CTNNA3: variants seen among roughly 807,000 people sequenced by gnomAD.
The protein encoded by CTNNA3 is catenin alpha-3.
Under a neutral mutation model 95.7 loss-of-function variants are expected in CTNNA3, and 76 were observed. That is an observed-to-expected ratio of 0.79 (90% confidence interval 0.66 to 0.96). The LOEUF is 0.96. Ranked by LOEUF, CTNNA3 falls within the 40% of genes least tolerant of loss-of-function variation. The pLI is 0.00. For synonymous variants in CTNNA3, 431 were observed against 374.4 expected (o/e 1.15, Z -1.74); for missense variants, 1,191 against 1,089.8 (o/e 1.09, Z -1.31).
chr10:67,164,818 A>T (rs1861689775), intron 7 of CTNNA3, among the ~76,000 whole-genome samples: 1 of 152,210 alleles, frequency 6.6e-6, no homozygotes, highest in Admixed American at 6.5e-5. Context: ...ATTAGAATGA[A>T]GATCATAATA....
chr10:66,894,795 G>A (rs1845408653), intron 7 of CTNNA3, among the ~76,000 whole-genome samples: 1 of 151,700 alleles, frequency 6.6e-6, no homozygotes, highest in Non-Finnish European at 1.5e-5. Context: ...TATGCAGTTT[G>A]GGCTTTATTT....
chr10:67,741,242 T>C (rs1841336119), intron 1 of CTNNA3, among the ~76,000 whole-genome samples: 1 of 149,464 alleles, frequency 6.7e-6, no homozygotes, highest in African/African-American at 2.5e-5. Context: ...CGCACCAGCA[T>C]GGCACATGTA....
intron 12 of CTNNA3, among the ~76,000 whole-genome samples, chr10:66,366,513 T>A (rs577051882): frequency 1.2e-4 from 18 of 152,070 alleles, no homozygotes; most frequent in Non-Finnish European, 2.5e-4. Context: ...TCATGAACAG[T>A]TATTAGTGCC....
At chr10:67,532,829 T>G (rs996493520) in intron 4 of CTNNA3, among the ~76,000 whole-genome samples, 3 of 152,088 alleles carry the variant, frequency 2.0e-5, no homozygotes, top group African/African-American at 7.2e-5. Flanking sequence ...TAAGTTTTAT[T>G]CTCCCCATAA....
rs569327300 is a variant in CTNNA3, at chr10:66,349,236, C to A, written c.1732+29916G>T. 2.6e-5 allele frequency among the ~76,000 whole-genome samples: 4 copies of A among 152,100 alleles called. No homozygotes were observed. The South Asian group carries it at 8.3e-4, about 32-fold the overall frequency. On this transcript the variant is annotated intron_variant, in intron 12 of 17. Coordinates refer to ENST00000433211, the MANE Select transcript of CTNNA3 (RefSeq NM_013266.4). Reference sequence around the variant, plus strand: ...GCTTTTGGCAGATACAAAGAAGAAACTGAAGCCCTCACTCCTACAACCACA... The same window carrying A: ...GCTTTTGGCAGATACAAAGAAGAAAATGAAGCCCTCACTCCTACAACCACA...
At chr10:67,184,035 C>A (rs1411391614) in intron 6 of CTNNA3, among the ~76,000 whole-genome samples, 1 of 152,130 alleles carries the variant, frequency 6.6e-6, no homozygotes, top group African/African-American at 2.4e-5. Context: ...GCAAATCTTG[C>A]AAAATTGCCC....
intron 7 of CTNNA3, among the ~76,000 whole-genome samples, chr10:67,024,893 G>A (rs545342185): frequency 1.4e-4 from 21 of 152,068 alleles, no homozygotes; most frequent in Admixed American, 3.9e-4. Flanking sequence ...CACTTTAGGG[G>A]GCCAAGGCGG....
Position 67,459,828 on chromosome 10 carries a change from T to C in CTNNA3, c.579+62014A>G, listed in dbSNP as rs1208126955. 5.3e-5 allele frequency among the ~76,000 whole-genome samples: 8 copies of C among 152,290 alleles called. No individual in the cohort carries two copies. The East Asian group carries it at 9.7e-4, about 18-fold the overall frequency. ...ACACTACTTCTTATACTTCCATCTC[T>C]GAACCTGAAGAATCTACATTACAGC... On this transcript the variant is annotated intron_variant, in intron 5 of 17. Transcript: ENST00000433211.
At chr10:67,072,944 T>C (rs1856548626) in intron 7 of CTNNA3, among the ~76,000 whole-genome samples, 1 of 151,728 alleles carries the variant, frequency 6.6e-6, no homozygotes. Context: ...GAGAAAGATG[T>C]GTGTTTTAGA....
intron 9 of CTNNA3, among the ~76,000 whole-genome samples, chr10:66,685,180 T>C (rs555555077): frequency 0.015 from 1,544 of 105,844 alleles, 18 homozygotes; most frequent in Middle Eastern, 0.027. Flanking sequence ...TATATACACA[T>C]ATATATATAC....
intron 1 of CTNNA3, chr10:67,751,086 C>T (rs112027646): frequency 3.7e-5 from 53 of 1,434,096 alleles, no homozygotes; most frequent in African/African-American, 5.6e-5. Context: ...GACACCAGCA[C>T]GCATTGTTGA....
At chr10:66,720,557 G>A (rs1848595174) in intron 9 of CTNNA3, among the ~76,000 whole-genome samples, 1 of 152,180 alleles carries the variant, frequency 6.6e-6, no homozygotes. Flanking sequence ...TCTAGGCCAG[G>A]CACAGTGGCT....
At chr10:66,918,612 A>C (rs1168147675) in intron 7 of CTNNA3, among the ~76,000 whole-genome samples, 3 of 152,250 alleles carry the variant, frequency 2.0e-5, no homozygotes, top group Non-Finnish European at 4.4e-5. Flanking sequence ...ATGACGTGGC[A>C]TCCAACACAT....
intron 4 of CTNNA3, among the ~76,000 whole-genome samples, chr10:67,533,524 T>G (rs7918024): frequency 0.095 from 14,430 of 152,196 alleles, 1,297 homozygotes; most frequent in African/African-American, 0.24. Flanking sequence ...GATGAAATAT[T>G]GAAATATCAG....
chr10:67,720,129 C>CTTTTTTTTTTTTT lies in CTNNA3; in HGVS notation c.-2+43292_-2+43304dup, dbSNP rs58074397. On this transcript the variant is annotated intron_variant, in intron 1 of 17. Transcript: ENST00000684154. ...TCAGAGACTAGGATTGCAACCCCTG[C>CTTTTTTTTTTTTT]TTTTTTTTTTTTTTTTTTTTTTTGC... Among the ~76,000 whole-genome samples the CTTTTTTTTTTTTT allele has an allele frequency of 4.7e-3, 31 of 6,610 alleles. 14 individuals carry two copies. The highest frequency in any genetic ancestry group is 8.0e-3 in the African/African-American group (12 of 1,500). 4.3% of individuals were successfully genotyped at this position (6,610 alleles called of 152,430 possible). A position where few individuals can be genotyped will look rare whatever the true frequency, so the allele number is the denominator to read the frequency against.
chr10:66,725,271 A>G lies in CTNNA3; in HGVS notation c.1281+40993T>C, dbSNP rs111347256. Among the ~76,000 whole-genome samples the G allele has an allele frequency of 2.0e-3, 310 of 152,236 alleles. 1 individual carries two copies. The highest frequency in any genetic ancestry group is 7.1e-3 in the African/African-American group (295 of 41,568). ...AAGGGCCAACTGTAGGCTATTTTCT[A>G]TCTTAAGATCTAAAAATCTGGAGAA... On this transcript the variant is annotated intron_variant, in intron 9 of 17. Transcript: ENST00000433211.
intron 11 of CTNNA3, among the ~76,000 whole-genome samples, chr10:66,413,249 C>A (rs1005417207): frequency 1.3e-5 from 2 of 152,020 alleles, no homozygotes; most frequent in Admixed American, 6.6e-5. Flanking sequence ...ACTATTGGCA[C>A]CCCTTGAGAA....
At chr10:66,169,980 C>T (rs1426623410) in intron 13 of CTNNA3, among the ~76,000 whole-genome samples, 2 of 152,076 alleles carry the variant, frequency 1.3e-5, no homozygotes, top group East Asian at 1.9e-4. Flanking sequence ...TGTTTATTTA[C>T]TCTGCTGACT....
chr10:66,396,088 C>T lies in CTNNA3; in HGVS notation c.1532-16736G>A, dbSNP rs1589190454. Reference sequence around the variant, plus strand: ...CACTTAGATTAATGCCCTCCAGCAACATTTATATTGCTGGAAAAATATATG... The same window carrying T: ...CACTTAGATTAATGCCCTCCAGCAATATTTATATTGCTGGAAAAATATATG... On this transcript the variant is annotated intron_variant, in intron 11 of 17. Coordinates refer to ENST00000433211, the MANE Select transcript of CTNNA3 (RefSeq NM_013266.4). Among the ~76,000 whole-genome samples the T allele has an allele frequency of 2.0e-5, 3 of 152,072 alleles. No individual in the cohort carries two copies. The South Asian group carries it at 6.2e-4, about 31-fold the overall frequency.
Sources: gnomAD v4.1 joint callset for allele counts (sites outside exome capture counted in the v4.1 genomes callset) on GRCh38, gnomAD v4.1.1 for gene constraint, MANE v1.5 for transcripts, NCBI Gene and HGNC (gene_info 2026-07-23, HGNC 2026-07-21) for gene names.